Variants in SEMA3D observed in about 807,000 individuals in gnomAD.
The protein encoded by SEMA3D is semaphorin-3D.
In SEMA3D, 84 loss-of-function variants were observed where a neutral mutation model predicts 100.1. That is an observed-to-expected ratio of 0.84 (90% CI 0.70 to 1.01). The LOEUF is 1.01. Ranked by LOEUF, SEMA3D falls within the 50% of genes least tolerant of loss-of-function variation. The pLI is 0.00. For missense variants in SEMA3D, 875 were observed against 934.1 expected, an observed-to-expected ratio of 0.94 and a Z score of 0.82; for synonymous variants, 312 against 320.7, an observed-to-expected ratio of 0.97 and a Z score of 0.29.
At chr7:85,082,269 G>T (rs995790721) in intron 4 of SEMA3D, among the ~76,000 whole-genome samples, 7 of 152,140 alleles carry the variant, frequency 4.6e-5, no homozygotes, top group African/African-American at 1.7e-4. Flanking sequence ...GAACTGGGGG[G>T]GTCTCAACCA....
chr7:85,115,652 C>A (rs1433312140), intron 3 of SEMA3D, among the ~76,000 whole-genome samples: 2 of 151,546 alleles, frequency 1.3e-5, no homozygotes, highest in African/African-American at 2.4e-5. Context: ...ATGGACAGAC[C>A]TTACATGTGC....
intron 7 of SEMA3D, among the ~76,000 whole-genome samples, chr7:85,067,350 A>G (rs1328274714): frequency 6.6e-6 from 1 of 152,130 alleles, no homozygotes; most frequent in Non-Finnish European, 1.5e-5. Flanking sequence ...CAAACCATCT[A>G]TCTCATTTTC....
At chr7:85,016,059 C>A (rs1037511013) in intron 15 of SEMA3D, among the ~76,000 whole-genome samples, 1 of 151,644 alleles carries the variant, frequency 6.6e-6, no homozygotes, top group Non-Finnish European at 1.5e-5. Context: ...ATGGGTCTTA[C>A]ACCTTTAGCA....
Position 85,072,990 on chromosome 7 carries a change from C to G in SEMA3D, c.467G>C (p.Gly156Ala). 2 of 1,609,074 alleles carry G rather than the reference C, an allele frequency of 1.2e-6. No individual in the cohort carries two copies. The highest frequency in any genetic ancestry group is 2.2e-5 in the East Asian group (1 of 44,774). Residue 156 changes from glycine to alanine, a missense_variant, in exon 6 of 19, where the codon GGG becomes GCG. Gly to Ala is a moderately conservative substitution (Grantham distance 60). Transcript: ENST00000284136. ...CTTGTAGACTCCAAGATCAATATAC[C>G]CACATATTGGATGAAATGCTCCAGT... ...CGTGAFHPIC[G>A]YIDLGVYKED...
At chr7:85,233,773 A>G in the SEMA3D span, among the ~76,000 whole-genome samples, 1 of 152,228 alleles carries the variant, frequency 6.6e-6, no homozygotes. Context: ...CAGTAATAGA[A>G]GCTTCTCCTA....
At chr7:85,220,629 G>C in the SEMA3D span, among the ~76,000 whole-genome samples, 4 of 152,036 alleles carry the variant, frequency 2.6e-5, no homozygotes, top group African/African-American at 9.7e-5. Context: ...AGTTAGGAAA[G>C]TAGTAACACC....
At chr7:85,105,675 G>C (rs544743660) in intron 3 of SEMA3D, among the ~76,000 whole-genome samples, 1 of 152,148 alleles carries the variant, frequency 6.6e-6, no homozygotes, top group African/African-American at 2.4e-5. Context: ...CCTTGCAAAT[G>C]CAAGTCCAAA....
intron 1 of SEMA3D, chr7:85,167,551 G>C: frequency 4.7e-6 from 1 of 211,138 alleles, no homozygotes; most frequent in Non-Finnish European, 8.2e-6. Flanking sequence ...ATATCTTCAA[G>C]AAGCATTATA....
chr7:85,076,003 C>T (rs1791912301), intron 5 of SEMA3D, among the ~76,000 whole-genome samples: 1 of 152,300 alleles, frequency 6.6e-6, no homozygotes, highest in Non-Finnish European at 1.5e-5. Context: ...TAGTGACCTG[C>T]AAGGCTATCA....
the SEMA3D span, among the ~76,000 whole-genome samples, chr7:85,212,865 A>G: frequency 6.6e-6 from 1 of 152,022 alleles, no homozygotes; most frequent in African/African-American, 2.4e-5. Flanking sequence ...CAGGCAAAAT[A>G]TCTGCTAAAC....
intron 18 of SEMA3D, among the ~76,000 whole-genome samples, chr7:85,006,167 T>G (rs1361939932): frequency 6.6e-6 from 1 of 152,060 alleles, no homozygotes; most frequent in Non-Finnish European, 1.5e-5. Context: ...TTCTACATTC[T>G]CATATGCATT....
intron 1 of SEMA3D, among the ~76,000 whole-genome samples, chr7:85,174,182 TTGTTGATTTG>T (rs1272793476): frequency 6.6e-6 from 1 of 152,152 alleles, no homozygotes; most frequent in African/African-American, 2.4e-5. Context: ...ATAGGTCCTT[TTGTTGATTTG>T]TGTTTGATAC....
At chr7:85,108,079 A>C (rs1258320955) in intron 3 of SEMA3D, among the ~76,000 whole-genome samples, 1 of 152,058 alleles carries the variant, frequency 6.6e-6, no homozygotes, top group East Asian at 1.9e-4. Flanking sequence ...TTTCATATCC[A>C]AATTCTTCTA....
rs543688114 is a variant in SEMA3D, at chr7:85,018,529, A to G, written c.1504-236T>C. On this transcript the variant is annotated intron_variant, in intron 14 of 18. Transcript: ENST00000284136. ...TATTAAAGATAAGTGACTTAAATGT[A>G]TAAGAAAATACTCTGCATTGAAAAT... 6.6e-5 allele frequency among the ~76,000 whole-genome samples: 10 copies of G among 151,922 alleles called. No homozygotes were observed. The South Asian group carries it at 1.9e-3, about 28-fold the overall frequency.
chr7:85,121,944 A>G lies in SEMA3D; in HGVS notation c.-40-13T>C, dbSNP rs1056114709. 7.3e-6 allele frequency: 3 copies of G among 411,590 alleles called. No individual in the cohort carries two copies. Among genetic ancestry groups the G allele is most frequent in the African/African-American group, 4.6e-5 (2 of 43,686 alleles). 25.5% of individuals were successfully genotyped at this position (411,590 alleles called of 1,614,324 possible). On this transcript the variant is annotated splice_polypyrimidine_tract_variant and intron_variant, in intron 2 of 18. Coordinates refer to ENST00000284136, the MANE Select transcript of SEMA3D (RefSeq NM_001384900.1). ...GTGTTAATTTAATCTAAAAAAGAGT[A>G]AAAAAAAAAAAACTATTAAGGTATC...
the SEMA3D span, among the ~76,000 whole-genome samples, chr7:85,216,935 T>A: frequency 6.6e-6 from 1 of 151,960 alleles, no homozygotes; most frequent in Non-Finnish European, 1.5e-5. Flanking sequence ...CCCTTGAGTC[T>A]CCGTGGTCAT....
At chr7:85,135,166 G>A (rs1481141159) in intron 2 of SEMA3D, among the ~76,000 whole-genome samples, 1 of 151,724 alleles carries the variant, frequency 6.6e-6, no homozygotes. Context: ...AATTTAGCAG[G>A]TAACGGCAAC....
At chr7:85,235,822 T>C in the SEMA3D span, among the ~76,000 whole-genome samples, 1 of 152,114 alleles carries the variant, frequency 6.6e-6, no homozygotes, top group African/African-American at 2.4e-5. Flanking sequence ...CCACCGCAGG[T>C]CTGAGTGAAG....
rs1791590446 is a variant in SEMA3D, at chr7:85,065,473, A to C, written c.669T>G (p.His223Gln). 6.2e-7 allele frequency: 1 copy of C among 1,613,372 alleles called. No individual in the cohort carries two copies. The highest frequency in any genetic ancestry group is 8.5e-7 in the Non-Finnish European group (1 of 1,179,480). Residue 223 changes from histidine (H) to glutamine (Q), a missense_variant, in exon 8 of 19, where the codon CAT becomes CAG. His to Gln is a conservative substitution (Grantham distance 24). Coordinates refer to ENST00000284136, the MANE Select transcript of SEMA3D (RefSeq NM_001384900.1). ...TAFTRSLGPT[H>Q]DHHYIRTDIS... ...TGTCAGTTCTGATGTAGTGGTGGTC[A>C]TGAGTAGGCCCAAGGGATCGAGTGA...
Sources: gnomAD v4.1 joint callset for allele counts (sites outside exome capture counted in the v4.1 genomes callset) on GRCh38, gnomAD v4.1.1 for gene constraint, MANE v1.5 for transcripts, NCBI Gene and HGNC (gene_info 2026-07-23, HGNC 2026-07-21) for gene names.